The following CSRP2 variants were observed in gnomAD, a reference collection of about 807,000 sequenced individuals.
The protein encoded by CSRP2 is cysteine and glycine rich protein 2.
A neutral mutation model predicts 24.6 loss-of-function variants in CSRP2; 18 were observed. The ratio of observed to expected loss-of-function variants is 0.73; its 90% CI spans 0.51 to 1.09. The LOEUF (loss-of-function observed/expected upper bound fraction) is 1.09, where lower values mean the gene tolerates loss of function less well. Ranked by LOEUF, CSRP2 falls within the 50% of genes least tolerant of loss-of-function variation. The pLI, the probability that CSRP2 is intolerant of heterozygous loss-of-function variation, is 0.00. For missense variants in CSRP2, 215 were observed against 239.4 expected (o/e 0.90, Z 0.67); for synonymous variants, 87 against 84.3 (o/e 1.03, Z -0.18).
In CSRP2 at chr12:76,859,080, T is replaced by C. The variant is rs533510293; in HGVS notation, c.506-52A>G. 4 of 1,492,556 alleles carry C rather than the reference T, an allele frequency of 2.7e-6. No homozygotes were observed. In the East Asian group the frequency reaches 6.8e-5, roughly 25 times the overall value. 92.5% of individuals were successfully genotyped at this position (1,492,556 alleles called of 1,614,324 possible). A position where few individuals can be genotyped will look rare whatever the true frequency, so the allele number is the denominator to read the frequency against. ...TTAGTGCAAGTCCATTAAGCTTTGCTAGCACTGCTTAAGACCCACTCAACA... is the reference window on the plus strand; with the variant it reads ...TTAGTGCAAGTCCATTAAGCTTTGCCAGCACTGCTTAAGACCCACTCAACA... On this transcript the variant is annotated intron_variant, in intron 5 of 5. Transcript: ENST00000311083.
At chr12:76,864,027 G>A (rs1327400480) in intron 2 of CSRP2, 2 of 152,234 alleles carry the variant, frequency 1.3e-5, no homozygotes, top group Non-Finnish European at 2.9e-5. Flanking sequence ...ATCGTCAAGT[G>A]CTTTAAAGTC....
chr12:76,861,625 A>G (rs1409668097), intron 3 of CSRP2: 2 of 152,196 alleles, frequency 1.3e-5, no homozygotes, highest in African/African-American at 4.8e-5. Context: ...GCTGGGCATC[A>G]TGGCCCAGAA....
intron 1 of CSRP2, among the ~76,000 whole-genome samples, chr12:76,870,388 A>C (rs1953784695): frequency 1.3e-5 from 2 of 152,250 alleles, no homozygotes; most frequent in South Asian, 4.1e-4. Context: ...TATGTAATTC[A>C]GGGTTTCTTT....
At chr12:76,867,055 G>A (rs943362396) in intron 1 of CSRP2, among the ~76,000 whole-genome samples, 2 of 152,144 alleles carry the variant, frequency 1.3e-5, no homozygotes, top group Non-Finnish European at 2.9e-5. Flanking sequence ...TGCTGAGCAT[G>A]CAGGAATAGC....
chr12:76,877,964 ACCC>A (rs200315031), intron 1 of CSRP2, among the ~76,000 whole-genome samples: 46 of 50,982 alleles, frequency 9.0e-4, no homozygotes, highest in Middle Eastern at 0.012. Flanking sequence ...CCCCCGCCCC[ACCC>A]CCCCACCCCC....
chr12:76,863,102 C>T (rs1953699987), intron 3 of CSRP2, 74 bp downstream of exon 3: 4 of 1,520,704 alleles, frequency 2.6e-6, no homozygotes, highest in Non-Finnish European at 3.5e-6. Flanking sequence ...TGGAGACTGC[C>T]AGGTTCCTGT....
Position 76,867,367 on chromosome 12 carries a change from G to A in CSRP2, c.-1-1106C>T, listed in dbSNP as rs539060453. Among the ~76,000 whole-genome samples the A allele has an allele frequency of 1.4e-3, 208 of 151,586 alleles. 1 individual carries two copies. The highest frequency in any genetic ancestry group is 4.7e-3 in the African/African-American group (196 of 41,322). On this transcript the variant is annotated intron_variant, in intron 1 of 5. Coordinates refer to ENST00000311083, the MANE Select transcript of CSRP2 (RefSeq NM_001321.3). ...AAAAAAAAAAAAAAAAAGATTAGCC[G>A]GGTGTGGTGGCAGATGCCTGCAATC...
At chr12:76,867,656 C>A (rs1953748630) in intron 1 of CSRP2, among the ~76,000 whole-genome samples, 1 of 152,174 alleles carries the variant, frequency 6.6e-6, no homozygotes, top group South Asian at 2.1e-4. Context: ...TCCCCATCAT[C>A]TTTTTTGAGC....
At chr12:76,863,151 GGTAA>G in intron 3 of CSRP2, 21 bp downstream of exon 3, 6 of 1,592,416 alleles carry the variant, frequency 3.8e-6, no homozygotes, top group Non-Finnish European at 4.3e-6. Flanking sequence ...CATTTCTGAA[GGTAA>G]CCAACGGTCT....
intron 1 of CSRP2, among the ~76,000 whole-genome samples, chr12:76,874,327 G>A (rs542061831): frequency 4.6e-5 from 7 of 152,296 alleles, no homozygotes; most frequent in African/African-American, 7.2e-5. Flanking sequence ...GAAACAGTGC[G>A]GAGCTTAGAA....
chr12:76,866,282 T>C (rs769442824), intron 1 of CSRP2, 21 bp from the exon 2 acceptor site: 25 of 1,589,188 alleles, frequency 1.6e-5, no homozygotes, highest in Non-Finnish European at 2.2e-5. Flanking sequence ...AAAGGATTCA[T>C]TAGAATGTCC....
Position 76,866,233 on chromosome 12 carries a change from A to T in CSRP2, c.28T>A (p.Cys10Ser). The change falls in exon 2 of 6, where the codon TGT becomes AGT. Residue 10 changes from cysteine (C) to serine (S), a missense_variant. Cys to Ser is a moderately radical substitution (Grantham distance 112). Coordinates refer to ENST00000311083, the MANE Select transcript of CSRP2 (RefSeq NM_001321.3). MPVWGGGNK[C>S]GACGRTVYHA... ...TACACGGTCCTCCCACAGGCCCCAC[A>T]CTTGTTTCCACCTCCCCAGACAGGC... 1 of 1,614,098 alleles carries T rather than the reference A, an allele frequency of 6.2e-7. No individual in the cohort carries two copies. Among genetic ancestry groups the T allele is most frequent in the African/African-American group, 1.3e-5 (1 of 75,020 alleles).
chr12:76,869,529 A>AACACACGCACACAC (rs1555192081), intron 1 of CSRP2, among the ~76,000 whole-genome samples: 7 of 135,420 alleles, frequency 5.2e-5, no homozygotes, highest in South Asian at 5.2e-4. Context: ...TAAAACAAAC[A>AACACACGCACACAC]ACACACACAC....
Position 76,863,211 on chromosome 12 carries a change from C to A in CSRP2, c.246G>T (p.Met82Ile). 1 of 1,614,098 alleles carries A rather than the reference C, an allele frequency of 6.2e-7. No homozygotes were observed. Among genetic ancestry groups the A allele is most frequent in the Non-Finnish European group, 8.5e-7 (1 of 1,179,974 alleles). Residue 82 changes from methionine (M) to isoleucine (I), a missense_variant, in exon 3 of 6, where the codon ATG (methionine) becomes ATT (isoleucine). Transcript: ENST00000311083. ...GYGQGAGTLN[M>I]DRGERLGIKP... The stretch of plus-strand genomic sequence containing the variant: ...TGATGCCCAGCCTCTCGCCACGGTC[C>A]ATGTTAAGCGTGCCAGCGCCCTGGC...
chr12:76,870,328 T>C (rs1390537689), intron 1 of CSRP2, among the ~76,000 whole-genome samples: 5 of 152,328 alleles, frequency 3.3e-5, no homozygotes, highest in South Asian at 2.1e-4. Flanking sequence ...TTCCATACCA[T>C]TGAAGAACAG....
At chr12:76,877,634 A>G (rs945940918) in intron 1 of CSRP2, among the ~76,000 whole-genome samples, 1 of 152,238 alleles carries the variant, frequency 6.6e-6, no homozygotes, top group South Asian at 2.1e-4. Context: ...CAGAGGAGAA[A>G]GGACCCAGAG....
rs1047153359 is a variant in CSRP2, at chr12:76,871,636, T to C, written c.-1-5375A>G. 1.8e-4 allele frequency among the ~76,000 whole-genome samples: 27 copies of C among 151,808 alleles called. 1 individual carries two copies. Among genetic ancestry groups the C allele is most frequent in the Middle Eastern group, 6.3e-3 (2 of 316 alleles). On this transcript the variant is annotated intron_variant, in intron 1 of 5. Coordinates refer to ENST00000311083, the MANE Select transcript of CSRP2 (RefSeq NM_001321.3). ...ATACTTAGCCGGGCGCGGTGGCAGG[T>C]GCCTGTAGTCCCAGCTACTCGGGAG...
chr12:76,871,607 A>G (rs559226103), intron 1 of CSRP2, among the ~76,000 whole-genome samples: 18 of 152,176 alleles, frequency 1.2e-4, no homozygotes, highest in African/African-American at 3.6e-4. Flanking sequence ...CGTCTCTACT[A>G]AAAATACTTA....
At chr12:76,873,400 C>G (rs956142836) in intron 1 of CSRP2, among the ~76,000 whole-genome samples, 12 of 152,148 alleles carry the variant, frequency 7.9e-5, no homozygotes, top group African/African-American at 2.9e-4. Flanking sequence ...ATTTTTTCTT[C>G]TGTTACCCCA....
Sources: allele counts gnomAD v4.1 joint callset (sites outside exome capture counted in the v4.1 genomes callset), GRCh38; gene constraint gnomAD v4.1.1; transcripts MANE v1.5; gene names NCBI Gene and HGNC (gene_info 2026-07-23, HGNC 2026-07-21).